The following BZW1 variants were observed in gnomAD, a reference collection of about 807,000 sequenced individuals.
BZW1 encodes basic leucine zipper and W2 domains 1.
A neutral mutation model predicts 54.1 loss-of-function variants in BZW1; 3 were observed. That is an observed-to-expected ratio of 0.06 (90% CI 0.03 to 0.14). BZW1 has a LOEUF of 0.14. Ranked by LOEUF, BZW1 falls within the 10% of genes least tolerant of loss-of-function variation. The pLI, the probability that BZW1 is intolerant of heterozygous loss-of-function variation, is 1.00. For synonymous variants in BZW1, 152 were observed against 162.7 expected, an observed-to-expected ratio of 0.93 and a Z score of 0.50; for missense variants, 206 against 491.7, an observed-to-expected ratio of 0.42 and a Z score of 5.50.
chr2:200,817,799 G>A (rs888073982), intron 6 of BZW1, among the ~76,000 whole-genome samples, 175 bp from the exon 7 acceptor site: 4 of 152,198 alleles, frequency 2.6e-5, no homozygotes, highest in Non-Finnish European at 1.5e-5. Context: ...TTTGCAAGTG[G>A]TAGACTAGGG....
At chr2:200,819,347 T>C (rs979522524) in intron 9 of BZW1, among the ~76,000 whole-genome samples, 1 of 152,050 alleles carries the variant, frequency 6.6e-6, no homozygotes, top group Non-Finnish European at 1.5e-5. Context: ...TTATGATGGC[T>C]TTGTCAGACA....
intron 1 of BZW1, chr2:200,812,695 G>T: frequency 1.1e-6 from 1 of 925,120 alleles, no homozygotes; most frequent in Non-Finnish European, 1.7e-6. Context: ...GGCCTGAGTG[G>T]TGCAAGGCGG....
rs550047467 is a variant in BZW1, at chr2:200,826,455, C to T, written c.*4277C>T. On this transcript the variant is annotated 3_prime_UTR_variant, in exon 12 of 12. Transcript: ENST00000409600. ...TTTTTTTTTTTTTGAGACAGAGTCTCGCTCTGTCGCCCAGGCGGGAGTGCA... is the reference window on the plus strand; with the variant it reads ...TTTTTTTTTTTTTGAGACAGAGTCTTGCTCTGTCGCCCAGGCGGGAGTGCA... 4.1e-4 allele frequency: 45 copies of T among 110,560 alleles called. No homozygotes were observed. The highest frequency in any genetic ancestry group is 1.4e-3 in the African/African-American group (40 of 28,678). 6.8% of individuals were successfully genotyped at this position (110,560 alleles called of 1,614,324 possible). A position where few individuals can be genotyped will look rare whatever the true frequency, so the allele number is the denominator to read the frequency against.
chr2:200,817,029 C>T, intron 5 of BZW1, 77 bp from the exon 6 acceptor site: 1 of 1,512,904 alleles, frequency 6.6e-7, no homozygotes, highest in Non-Finnish European at 8.9e-7. Context: ...AACAGGTAGC[C>T]AGTATAACAT....
rs1207828898 is a variant in BZW1, at chr2:200,816,461, C to T, written c.402+71C>T. On this transcript the variant is annotated intron_variant, in intron 5 of 11. Transcript: ENST00000409600. ...GAAAGAGGAATGTTAAATCCTAATT[C>T]CGCCACAGATTTGGAGTAATTTTGC... 9.7e-6 allele frequency: 11 copies of T among 1,135,528 alleles called. No individual in the cohort carries two copies. The East Asian group carries it at 2.8e-4, about 29-fold the overall frequency. 70.3% of individuals were successfully genotyped at this position (1,135,528 alleles called of 1,614,324 possible). A position where few individuals can be genotyped will look rare whatever the true frequency, so the allele number is the denominator to read the frequency against.
intron 1 of BZW1, chr2:200,812,195 G>T: frequency 3.3e-6 from 4 of 1,218,072 alleles, no homozygotes; most frequent in Non-Finnish European, 4.1e-6. Context: ...CGGGTGGGGA[G>T]GTGGGGTCCG....
chr2:200,821,953 C>T (rs2038536571), intron 11 of BZW1, among the ~76,000 whole-genome samples, 194 bp from the exon 12 acceptor site: 1 of 152,036 alleles, frequency 6.6e-6, no homozygotes, highest in Non-Finnish European at 1.5e-5. Flanking sequence ...CCTGTAGTTC[C>T]AGCTACTTGG....
At chr2:200,813,351 A>G (rs1416022394) in intron 2 of BZW1, 70 bp downstream of exon 2, 9 of 1,360,652 alleles carry the variant, frequency 6.6e-6, no homozygotes, top group Non-Finnish European at 9.3e-6. Flanking sequence ...CTTCTCTGAC[A>G]GGTACTTGCA....
Position 200,826,844 on chromosome 2 carries a change from C to G in BZW1, c.*4666C>G, listed in dbSNP as rs1447708588. 10 of 152,008 alleles carry G rather than the reference C, an allele frequency of 6.6e-5. No individual in the cohort carries two copies. The allele number at this position is 152,008 out of a possible 1,614,324, so 9.4% of individuals were successfully genotyped here. ...GTTAATCAAATATAATTGAGCTGTTCTGTTTCCAGTCAGTGTAACCATTTA... is the reference window on the plus strand; with the variant it reads ...GTTAATCAAATATAATTGAGCTGTTGTGTTTCCAGTCAGTGTAACCATTTA... On this transcript the variant is annotated 3_prime_UTR_variant, in exon 12 of 12. Coordinates refer to ENST00000409600, the MANE Select transcript of BZW1 (RefSeq NM_001207067.2).
intron 1 of BZW1, chr2:200,812,316 G>T: frequency 2.4e-6 from 3 of 1,259,484 alleles, no homozygotes; most frequent in South Asian, 3.2e-5. Flanking sequence ...TGATGTACGC[G>T]TGGGGGCTTC....
At chr2:200,812,534 T>A in intron 1 of BZW1, 1 of 1,394,246 alleles carries the variant, frequency 7.2e-7, no homozygotes, top group Non-Finnish European at 9.3e-7. Context: ...GGCGCCCCGC[T>A]GTGGCCGATG....
chr2:200,815,609 T>G, intron 3 of BZW1, 58 bp from the exon 4 acceptor site: 2 of 1,588,448 alleles, frequency 1.3e-6, no homozygotes, highest in South Asian at 1.1e-5. Context: ...TTTGGCAAAC[T>G]TGTTAAAATG....
In BZW1 at chr2:200,813,291, T is replaced by G; in HGVS notation, c.64+10T>G. ...AAAACTAGAAAAAGAGGTAAATATT[T>G]ACGTTTTAATGTCTCTCTTCAAACC... On this transcript the variant is annotated intron_variant, in intron 2 of 11. Transcript: ENST00000409600. 1.2e-6 allele frequency: 2 copies of G among 1,607,236 alleles called. No homozygotes were observed. Among genetic ancestry groups the G allele is most frequent in the Non-Finnish European group, 1.7e-6 (2 of 1,174,524 alleles).
At chr2:200,812,357 C>G in intron 1 of BZW1, 1 of 1,280,324 alleles carries the variant, frequency 7.8e-7, no homozygotes, top group Non-Finnish European at 9.8e-7. Flanking sequence ...CTGCCACCCA[C>G]CACCGCTGCG....
Position 200,816,943 on chromosome 2 carries a change from C to G in BZW1, c.403-163C>G, listed in dbSNP as rs531992491. On this transcript the variant is annotated intron_variant, in intron 5 of 11. Transcript: ENST00000409600. ...TGAGGTGCAGAGGTTAAGTAACTTG[C>G]CCGAGATCATTCAGCTAATGAGTAT... 3.3e-5 allele frequency among the ~76,000 whole-genome samples: 5 copies of G among 152,254 alleles called. No homozygotes were observed. In the South Asian group the frequency reaches 6.2e-4, roughly 19 times the overall value.
At chr2:200,818,508 A>G (rs2105697959) in intron 8 of BZW1, 115 bp downstream of exon 8, 1 of 1,266,198 alleles carries the variant, frequency 7.9e-7, no homozygotes, top group South Asian at 1.4e-5. Context: ...ACAGGATGTT[A>G]TACTGGAACT....
At chr2:200,817,830 T>C in intron 6 of BZW1, 144 bp from the exon 7 acceptor site, 2 of 580,644 alleles carry the variant, frequency 3.4e-6, no homozygotes, top group Non-Finnish European at 6.0e-6. Flanking sequence ...AGTGATAAAC[T>C]GTGGCCCAGG....
At chr2:200,818,947 T>C (rs775707389) in intron 9 of BZW1, 46 bp downstream of exon 9, 8 of 1,505,998 alleles carry the variant, frequency 5.3e-6, no homozygotes, top group Middle Eastern at 3.4e-4. Context: ...TGCTTTCACG[T>C]GGTGATAAGT....
chr2:200,819,822 C>T (rs1287373228), intron 9 of BZW1, among the ~76,000 whole-genome samples, 160 bp from the exon 10 acceptor site: 4 of 152,178 alleles, frequency 2.6e-5, no homozygotes, highest in South Asian at 2.1e-4. Flanking sequence ...AGACGTGAGC[C>T]ACTGTGCCCA....
Sources: gnomAD v4.1 joint callset for allele counts (sites outside exome capture counted in the v4.1 genomes callset) on GRCh38, gnomAD v4.1.1 for gene constraint, MANE v1.5 for transcripts, NCBI Gene and HGNC (gene_info 2026-07-23, HGNC 2026-07-21) for gene names.